Variants in ATP6V0A4 observed in about 807,000 individuals in gnomAD.
ATP6V0A4 encodes V-type proton ATPase 116 kDa subunit a 4.
A neutral mutation model predicts 107.3 loss-of-function variants in ATP6V0A4; 86 were observed. The observed-to-expected ratio is 0.80, with a 90% CI of 0.67 to 0.96. The LOEUF (loss-of-function observed/expected upper bound fraction) is 0.96, where lower values mean the gene tolerates loss of function less well. Among genes scored for constraint, ATP6V0A4 ranks in the 40% least tolerant of loss-of-function variants. The pLI, the probability that ATP6V0A4 is intolerant of heterozygous loss-of-function variation, is 0.00. For missense variants in ATP6V0A4, 908 were observed against 1,045.6 expected, an observed-to-expected ratio of 0.87 and a Z score of 1.81; for synonymous variants, 353 against 381.4, an observed-to-expected ratio of 0.93 and a Z score of 0.87.
chr7:138,771,056 A>C, intron 3 of ATP6V0A4, 75 bp downstream of exon 3: 1 of 1,382,520 alleles, frequency 7.2e-7, no homozygotes, highest in Non-Finnish European at 1.0e-6. Flanking sequence ...ATTGTTCACC[A>C]TAAAGAAGTG....
At position 138,791,530 on chromosome 7, in the gene ATP6V0A4, G is replaced by A. The variant is rs776951515; in HGVS notation, c.-120-5270C>T. ...GGAATCCATACTTCAGCACATCAGAGTAAAACTGCTGAAAACCAAAGGCAA... is the reference window on the plus strand; with the variant it reads ...GGAATCCATACTTCAGCACATCAGAATAAAACTGCTGAAAACCAAAGGCAA... On this transcript the variant is annotated intron_variant, in intron 1 of 21. Coordinates refer to ENST00000310018, the MANE Select transcript of ATP6V0A4 (RefSeq NM_020632.3). 2.3e-4 allele frequency among the ~76,000 whole-genome samples: 35 copies of A among 152,094 alleles called. 3 individuals carry two copies. The highest frequency in any genetic ancestry group is 1.5e-5 in the Non-Finnish European group (1 of 68,028).
In ATP6V0A4 at chr7:138,709,661, CCT is replaced by C. The variant is rs1215780415; in HGVS notation, c.2390_2391del (p.Glu797GlyfsTer15). The C allele has an allele frequency of 5.6e-6, 9 of 1,613,342 alleles. No individual in the cohort carries two copies. In the South Asian group the frequency reaches 9.9e-5, roughly 18 times the overall value. ...AGGGCGTGCAGGAAAGCAGAGAGGCCCTCCATGATCAGAAGGATGGCTACTGT... is the reference window on the plus strand; with the variant it reads ...AGGGCGTGCAGGAAAGCAGAGAGGCCCCATGATCAGAAGGATGGCTACTGT... ...VLTVAILLIMEGLSAFLHALR... is the reference protein window; with the variant it reads ...VLTVAILLIMXGLSAFLHALR... On this transcript the variant is annotated frameshift_variant, in exon 21 of 22. Coordinates refer to ENST00000310018, the MANE Select transcript of ATP6V0A4 (RefSeq NM_020632.3). LOFTEE classifies it high-confidence loss of function.
chr7:138,747,571 A>T lies in ATP6V0A4; in HGVS notation c.1181-7T>A, dbSNP rs1196744342. On this transcript the variant is annotated splice_polypyrimidine_tract_variant and splice_region_variant and intron_variant, in intron 12 of 21. Transcript: ENST00000310018. The stretch of plus-strand genomic sequence containing the variant: ...GTGATGATGGTGTAGGGGGCTGCGG[A>T]GGGGAGACACACAACGCCTGAGGCC... The T allele has an allele frequency of 2.5e-6, 4 of 1,613,690 alleles. No homozygotes were observed. In the South Asian group the frequency reaches 4.4e-5, roughly 18 times the overall value.
In ATP6V0A4 at chr7:138,706,594, G is replaced by T; in HGVS notation, c.*30C>A. 2 of 1,612,840 alleles carry T rather than the reference G, an allele frequency of 1.2e-6. No individual in the cohort carries two copies. The highest frequency in any genetic ancestry group is 1.6e-4 in the Middle Eastern group (1 of 6,062). Reference sequence around the variant, plus strand: ...AGACTGAACTTCCTTCATTGGCATGGTGACCACCGTGGGAGGTGCAGCCCT... The same window carrying T: ...AGACTGAACTTCCTTCATTGGCATGTTGACCACCGTGGGAGGTGCAGCCCT... On this transcript the variant is annotated 3_prime_UTR_variant, in exon 22 of 22. Transcript: ENST00000310018.
intron 20 of ATP6V0A4, among the ~76,000 whole-genome samples, chr7:138,713,098 G>A (rs1253726821): frequency 6.6e-6 from 1 of 151,366 alleles, no homozygotes; most frequent in Non-Finnish European, 1.5e-5. Context: ...AGACCATCCT[G>A]GCCATCATGG....
In ATP6V0A4 at chr7:138,709,759, C is replaced by CT. The variant is rs748719643; in HGVS notation, c.2293dup (p.Ser765LysfsTer48). On this transcript the variant is annotated frameshift_variant, in exon 21 of 22. Coordinates refer to ENST00000310018, the MANE Select transcript of ATP6V0A4 (RefSeq NM_020632.3). LOFTEE classifies it high-confidence loss of function. ...TCCCCAGCCTCGCGTCTGAAGGCCG[C>CT]TGTTCATCACCATAGTCCAGAGCAC... The CT allele has an allele frequency of 1.2e-5, 19 of 1,613,998 alleles. No homozygotes were observed. Among genetic ancestry groups the CT allele is most frequent in the Admixed American group, 6.7e-5 (4 of 59,986 alleles).
chr7:138,708,189 T>C (rs995243147), intron 21 of ATP6V0A4, among the ~76,000 whole-genome samples: 11 of 151,882 alleles, frequency 7.2e-5, no homozygotes, highest in Admixed American at 1.3e-4. Context: ...GTAGCTGGGA[T>C]TACAGGCATG....
intron 7 of ATP6V0A4, among the ~76,000 whole-genome samples, chr7:138,760,276 T>C (rs1346151489): frequency 6.6e-6 from 1 of 151,836 alleles, no homozygotes; most frequent in Non-Finnish European, 1.5e-5. Flanking sequence ...AAACCCCATC[T>C]CTACTAAAAA....
chr7:138,714,199 G>A (rs1300794099), intron 20 of ATP6V0A4, among the ~76,000 whole-genome samples: 2 of 145,730 alleles, frequency 1.4e-5, no homozygotes, highest in African/African-American at 2.6e-5. Context: ...TAGCGCCACT[G>A]CACTCCATCC....
chr7:138,753,144 G>A (rs1026819976), intron 10 of ATP6V0A4, among the ~76,000 whole-genome samples: 1 of 152,210 alleles, frequency 6.6e-6, no homozygotes, highest in African/African-American at 2.4e-5. Context: ...TTTTTGGAAA[G>A]AGGGTCTTTG....
At chr7:138,782,195 G>A (rs1412399790) in intron 2 of ATP6V0A4, among the ~76,000 whole-genome samples, 2 of 152,250 alleles carry the variant, frequency 1.3e-5, no homozygotes, top group Admixed American at 6.5e-5. Flanking sequence ...TCTGAAGGCT[G>A]TGAGGAAGAA....
At chr7:138,775,299 A>G (rs892940276) in intron 2 of ATP6V0A4, among the ~76,000 whole-genome samples, 2 of 152,066 alleles carry the variant, frequency 1.3e-5, no homozygotes, top group African/African-American at 2.4e-5. Flanking sequence ...TTGGAAGCAA[A>G]TCCCATACAT....
chr7:138,765,576 G>A (rs1422943178), intron 5 of ATP6V0A4, among the ~76,000 whole-genome samples: 1 of 152,088 alleles, frequency 6.6e-6, no homozygotes, highest in Non-Finnish European at 1.5e-5. Flanking sequence ...CAAGGCAGGG[G>A]CCCAGAGCCA....
rs989083069 is a variant in ATP6V0A4, at chr7:138,769,918, A to G, written c.118-667T>C. Among the ~76,000 whole-genome samples, 45 of 152,056 alleles carry G rather than the reference A, an allele frequency of 3.0e-4. 1 individual carries two copies. The highest frequency in any genetic ancestry group is 2.9e-3 in the Admixed American group (44 of 15,252). On this transcript the variant is annotated intron_variant, in intron 3 of 21. Transcript: ENST00000310018. Reference sequence around the variant, plus strand: ...CATAATGAGACCTCATCTCTACAAAAAATTACAAAATTAACCGAGCGTGGT... The same window carrying G: ...CATAATGAGACCTCATCTCTACAAAGAATTACAAAATTAACCGAGCGTGGT...
At chr7:138,791,313 G>GATAAAGA (rs910693733) in intron 1 of ATP6V0A4, among the ~76,000 whole-genome samples, 2 of 152,116 alleles carry the variant, frequency 1.3e-5, no homozygotes, top group African/African-American at 4.8e-5. Flanking sequence ...AAAACAAAAA[G>GATAAAGA]ATAAAGAATA....
At chr7:138,769,119 C>G in intron 4 of ATP6V0A4, 54 bp downstream of exon 4, 2 of 1,598,474 alleles carry the variant, frequency 1.3e-6, no homozygotes, top group Non-Finnish European at 1.7e-6. Flanking sequence ...ACTATTAACC[C>G]CCTTGCCAGT....
chr7:138,708,301 C>T (rs1221437236), intron 21 of ATP6V0A4, among the ~76,000 whole-genome samples: 1 of 152,170 alleles, frequency 6.6e-6, no homozygotes, highest in African/African-American at 2.4e-5. Context: ...CCGCCTTGGC[C>T]TCCCAAAGTG....
At chr7:138,751,709 A>G (rs532104674) in intron 11 of ATP6V0A4, among the ~76,000 whole-genome samples, 1 of 151,982 alleles carries the variant, frequency 6.6e-6, no homozygotes, top group Non-Finnish European at 1.5e-5. Flanking sequence ...TGAGAACTCA[A>G]CGAGGACAGA....
chr7:138,747,617 C>T (rs568073774), intron 12 of ATP6V0A4, 53 bp from the exon 13 acceptor site: 305 of 1,602,664 alleles, frequency 1.9e-4, no homozygotes, highest in African/African-American at 4.4e-4. Context: ...CTCGGGGCCC[C>T]CACCTCAGAT....
Sources: gnomAD v4.1 joint callset for allele counts (sites outside exome capture counted in the v4.1 genomes callset) on GRCh38, gnomAD v4.1.1 for gene constraint, MANE v1.5 for transcripts, NCBI Gene and HGNC (gene_info 2026-07-23, HGNC 2026-07-21) for gene names.